The following GRM5 variants were observed in gnomAD, a reference collection of about 807,000 sequenced individuals.
The protein encoded by GRM5 is metabotropic glutamate receptor 5.
In GRM5, 19 loss-of-function variants were observed where a neutral mutation model predicts 83.1. The observed-to-expected ratio is 0.23, with a 90% CI of 0.16 to 0.34. The LOEUF is 0.34. Among genes scored for constraint, GRM5 ranks in the 10% least tolerant of loss-of-function variants. The pLI, the probability that GRM5 is intolerant of heterozygous loss-of-function variation, is 1.00. For synonymous variants in GRM5, 675 were observed against 633.6 expected (o/e 1.07, Z -0.98); for missense variants, 1,160 against 1,588.3 (o/e 0.73, Z 4.58).
intron 2 of GRM5, among the ~76,000 whole-genome samples, chr11:89,026,146 C>T (rs1175184907): frequency 1.1e-4 from 17 of 152,074 alleles, no homozygotes; most frequent in Non-Finnish European, 2.9e-5. Context: ...GAACAATAGA[C>T]CCTGGGGACT....
intron 3 of GRM5, among the ~76,000 whole-genome samples, chr11:88,668,446 T>C (rs1940108871): frequency 1.3e-5 from 2 of 151,832 alleles, no homozygotes; most frequent in South Asian, 4.1e-4. Flanking sequence ...AGAGGAAAAC[T>C]TCATTTTATA....
chr11:88,681,929 A>T (rs184496438), intron 3 of GRM5, among the ~76,000 whole-genome samples: 5 of 152,146 alleles, frequency 3.3e-5, no homozygotes, highest in African/African-American at 1.2e-4. Flanking sequence ...AACCATTTTC[A>T]TGGTTATTCC....
At chr11:88,896,868 A>T (rs1945236034) in intron 2 of GRM5, among the ~76,000 whole-genome samples, 2 of 151,898 alleles carry the variant, frequency 1.3e-5, no homozygotes, top group Non-Finnish European at 2.9e-5. Flanking sequence ...CAGAGATATA[A>T]CCAAAAACAA....
At chr11:88,831,600 A>G (rs1243775439) in intron 3 of GRM5, among the ~76,000 whole-genome samples, 1 of 152,162 alleles carries the variant, frequency 6.6e-6, no homozygotes, top group Non-Finnish European at 1.5e-5. Flanking sequence ...GTCACTTGGC[A>G]TCTGGGAGTT....
At chr11:88,858,721 C>T (rs982408) in intron 2 of GRM5, among the ~76,000 whole-genome samples, 66,259 of 151,742 alleles carry the variant, frequency 0.44, 14,741 homozygotes, top group African/African-American at 0.5. Context: ...GTTCATATAA[C>T]TGGGTTGAAT....
intron 3 of GRM5, among the ~76,000 whole-genome samples, chr11:88,777,936 T>G (rs753010122): frequency 1.3e-5 from 2 of 152,216 alleles, no homozygotes; most frequent in African/African-American, 2.4e-5. Context: ...GGAGGCAGTC[T>G]GTCCATTCTC....
At chr11:88,824,252 G>T (rs1470303737) in intron 3 of GRM5, among the ~76,000 whole-genome samples, 2 of 152,150 alleles carry the variant, frequency 1.3e-5, no homozygotes, top group Non-Finnish European at 2.9e-5. Flanking sequence ...ATTGGCTTTT[G>T]TGGACTTCAC....
At chr11:89,024,860 C>A (rs1014061570) in intron 2 of GRM5, among the ~76,000 whole-genome samples, 3 of 152,108 alleles carry the variant, frequency 2.0e-5, no homozygotes, top group Non-Finnish European at 4.4e-5. Flanking sequence ...TCATAGTAGA[C>A]TCTCTAAATA....
intron 6 of GRM5, among the ~76,000 whole-genome samples, chr11:88,596,935 T>A (rs957419481): frequency 6.6e-6 from 1 of 152,118 alleles, no homozygotes; most frequent in Non-Finnish European, 1.5e-5. Flanking sequence ...GGAAGTCATG[T>A]CTTTAAAGGC....
At chr11:88,601,852 A>G (rs1437110408) in intron 5 of GRM5, among the ~76,000 whole-genome samples, 1 of 152,086 alleles carries the variant, frequency 6.6e-6, no homozygotes, top group Non-Finnish European at 1.5e-5. Flanking sequence ...GATGGTTTCT[A>G]TTCACCTCTG....
At chr11:88,791,869 G>T (rs1037396078) in intron 3 of GRM5, among the ~76,000 whole-genome samples, 4 of 151,810 alleles carry the variant, frequency 2.6e-5, no homozygotes, top group Non-Finnish European at 5.9e-5. Flanking sequence ...AATTCATTTG[G>T]TTTTCACTGG....
Position 88,508,838 on chromosome 11 carries a change from T to A in GRM5, c.3393A>T (p.Ala1131=). The A allele has an allele frequency of 1.9e-6, 3 of 1,548,466 alleles. No homozygotes were observed. Among genetic ancestry groups the A allele is most frequent in the Non-Finnish European group, 2.6e-6 (3 of 1,147,920 alleles). The change falls in exon 10 of 10, where the codon GCA becomes GCT. Residue 1131 remains alanine, a synonymous_variant. Transcript: ENST00000305447. This position sits in a 1 kb window ranked among gnomAD's most constrained non-coding sequence, Gnocchi z 4.2. ...CCGCGTCCCCAGCCGCCTGCGCCCC[T>A]GCCGCGGGCTGCGCGCCTCCCGTGA... ...IEVTGGAQPA[A]GAQAAGDAAR...
At chr11:88,556,075 G>A (rs887656848) in intron 8 of GRM5, among the ~76,000 whole-genome samples, 4 of 152,196 alleles carry the variant, frequency 2.6e-5, no homozygotes, top group East Asian at 1.9e-4. Context: ...ACTTGCCACC[G>A]AAGGATGTAA....
At chr11:88,662,749 G>C (rs576042554) in intron 3 of GRM5, among the ~76,000 whole-genome samples, 2 of 152,150 alleles carry the variant, frequency 1.3e-5, no homozygotes, top group Non-Finnish European at 2.9e-5. Flanking sequence ...GGAGCTACAG[G>C]GAAAGGAATG....
At chr11:88,949,072 A>G (rs1179684852) in intron 2 of GRM5, among the ~76,000 whole-genome samples, 3 of 152,182 alleles carry the variant, frequency 2.0e-5, no homozygotes, top group African/African-American at 7.2e-5. Flanking sequence ...ATGTGCAGAT[A>G]CTTGATTTTC....
intron 4 of GRM5, among the ~76,000 whole-genome samples, chr11:88,639,781 CA>C (rs1248371782): frequency 6.6e-6 from 1 of 152,070 alleles, no homozygotes; most frequent in Non-Finnish European, 1.5e-5. Context: ...ACAAGCTTAT[CA>C]GGTCTCAATT....
intron 4 of GRM5, among the ~76,000 whole-genome samples, chr11:88,609,577 T>C (rs1377856378): frequency 2.6e-5 from 4 of 152,176 alleles, no homozygotes; most frequent in African/African-American, 4.8e-5. Flanking sequence ...CCATTTTAAA[T>C]GGGGTTGTTT....
chr11:88,733,244 A>ATATC (rs1941843713), intron 3 of GRM5, among the ~76,000 whole-genome samples: 1 of 152,062 alleles, frequency 6.6e-6, no homozygotes, highest in Non-Finnish European at 1.5e-5. Context: ...ATCTAAGATA[A>ATATC]TATCTTGAGT....
chr11:88,784,623 A>G (rs1047521816), intron 3 of GRM5, among the ~76,000 whole-genome samples: 37 of 152,054 alleles, frequency 2.4e-4, no homozygotes, highest in African/African-American at 8.9e-4. Flanking sequence ...GGTGTATTCT[A>G]TCCCTTCCCA....
Sources: gnomAD v4.1 joint callset for allele counts (sites outside exome capture counted in the v4.1 genomes callset) on GRCh38, gnomAD v4.1.1 for gene constraint, Gnocchi (gnomAD v3.1) non-coding constraint, MANE v1.5 for transcripts, NCBI Gene and HGNC (gene_info 2026-07-23, HGNC 2026-07-21) for gene names.